EPS15L1: variants seen among roughly 807,000 people sequenced by gnomAD.
The protein encoded by EPS15L1 is epidermal growth factor receptor pathway substrate 15 like 1, also known as epidermal growth factor receptor substrate 15-like 1.
EPS15L1 carries 43 observed loss-of-function variants against 117.1 expected under a neutral mutation model. The observed-to-expected ratio is 0.37, with a 90% CI of 0.29 to 0.47. EPS15L1 has a LOEUF of 0.47. EPS15L1 is among the 20% of genes least tolerant of loss of function. The pLI is 0.99. For synonymous variants in EPS15L1, 459 were observed against 470.5 expected (o/e 0.98, Z 0.32); for missense variants, 981 against 1,164.0 (o/e 0.84, Z 2.29).
chr19:16,385,247 CT>C, intron 20 of EPS15L1, 36 bp from the exon 21 acceptor site: 1 of 1,571,024 alleles, frequency 6.4e-7, no homozygotes, highest in Non-Finnish European at 8.8e-7. Flanking sequence ...AGTTACAGGT[CT>C]TTAAGAGAAC....
intron 16 of EPS15L1, among the ~76,000 whole-genome samples, chr19:16,397,033 C>A (rs182966018): frequency 6.6e-6 from 1 of 152,078 alleles, no homozygotes; most frequent in Non-Finnish European, 1.5e-5. Flanking sequence ...CCTAACACTA[C>A]TGAACTGTAC....
Position 16,442,108 on chromosome 19 carries a change from T to C in EPS15L1, c.75+70A>G. On this transcript the variant is annotated intron_variant, in intron 2 of 23. Transcript: ENST00000455140. ...GGACAAAAGGCCGCTCAGCCGGGCT[T>C]CTATTCTGTACTGTGCTTTCAGCTC... The C allele has an allele frequency of 1.1e-5, 17 of 1,523,472 alleles. No homozygotes were observed. In the South Asian group the frequency reaches 1.9e-4, roughly 17 times the overall value. The allele number at this position is 1,523,472 out of a possible 1,614,324, so 94.4% of individuals were successfully genotyped here.
At chr19:16,457,953 C>A (rs1158256866) in intron 1 of EPS15L1, among the ~76,000 whole-genome samples, 2 of 152,062 alleles carry the variant, frequency 1.3e-5, no homozygotes, top group Non-Finnish European at 2.9e-5. Flanking sequence ...CACAAGGGCC[C>A]ACTTCCCAGA....
At chr19:16,419,356 G>A (rs1435274145) in intron 10 of EPS15L1, among the ~76,000 whole-genome samples, 3 of 152,204 alleles carry the variant, frequency 2.0e-5, no homozygotes, top group Non-Finnish European at 4.4e-5. Context: ...CTGCTCAGGA[G>A]GCTGAGGCAC....
At chr19:16,432,423 C>A (rs1048637962) in intron 7 of EPS15L1, among the ~76,000 whole-genome samples, 3 of 152,140 alleles carry the variant, frequency 2.0e-5, no homozygotes, top group African/African-American at 4.8e-5. Flanking sequence ...GAAAAATTAG[C>A]CAGGCGTGGT....
At chr19:16,439,126 A>G (rs1275232627) in intron 4 of EPS15L1, among the ~76,000 whole-genome samples, 3 of 149,638 alleles carry the variant, frequency 2.0e-5, no homozygotes, top group African/African-American at 7.4e-5. Context: ...TTTTAAAGCT[A>G]TAAATACTGT....
intron 1 of EPS15L1, among the ~76,000 whole-genome samples, chr19:16,460,940 G>C (rs1488346261): frequency 6.6e-6 from 1 of 152,196 alleles, no homozygotes; most frequent in African/African-American, 2.4e-5. Flanking sequence ...CCTTTGGAGA[G>C]TGTGAAATGA....
intron 1 of EPS15L1, among the ~76,000 whole-genome samples, chr19:16,467,818 T>G (rs931425431): frequency 6.6e-6 from 1 of 152,200 alleles, no homozygotes; most frequent in Admixed American, 6.5e-5. Flanking sequence ...ACAGCAGGGC[T>G]CTGCGGCAGG....
chr19:16,390,716 C>T (rs932945097), intron 19 of EPS15L1, among the ~76,000 whole-genome samples: 5 of 152,104 alleles, frequency 3.3e-5, no homozygotes, highest in African/African-American at 1.2e-4. Context: ...AGCCAAGTAT[C>T]TGGAAATGAA....
At chr19:16,445,277 G>A (rs2093072246) in intron 1 of EPS15L1, among the ~76,000 whole-genome samples, 2 of 152,070 alleles carry the variant, frequency 1.3e-5, no homozygotes, top group Admixed American at 6.6e-5. Context: ...CATCCGGCTC[G>A]AACACTTGAT....
chr19:16,364,692 C>G (rs2092108845), intron 22 of EPS15L1, among the ~76,000 whole-genome samples: 1 of 152,216 alleles, frequency 6.6e-6, no homozygotes, highest in Non-Finnish European at 1.5e-5. Flanking sequence ...GGGCAGGCAG[C>G]TCTGGCGGGC....
chr19:16,409,873 G>C (rs1599599150), intron 13 of EPS15L1, among the ~76,000 whole-genome samples: 1 of 148,836 alleles, frequency 6.7e-6, no homozygotes, highest in South Asian at 2.1e-4. Context: ...GGGAGGCGGA[G>C]GTTGCAGTGA....
chr19:16,396,931 G>A (rs971928244), intron 16 of EPS15L1, among the ~76,000 whole-genome samples: 3 of 152,072 alleles, frequency 2.0e-5, no homozygotes, highest in Non-Finnish European at 4.4e-5. Context: ...TAGAACAGTG[G>A]CTGCCAGGGG....
chr19:16,402,179 A>G lies in EPS15L1; in HGVS notation c.1791+142T>C. Reference sequence around the variant, plus strand: ...CTGCAAGGCCTGGTGTGAACGCGCAAAGTGGCAGCAAAAACAACAGACAGC... The same window carrying G: ...CTGCAAGGCCTGGTGTGAACGCGCAGAGTGGCAGCAAAAACAACAGACAGC... On this transcript the variant is annotated intron_variant, in intron 16 of 23. Coordinates refer to ENST00000455140, the MANE Select transcript of EPS15L1 (RefSeq NM_001258374.3). The G allele has an allele frequency of 2.1e-6, 3 of 1,455,290 alleles. No homozygotes were observed. The South Asian group carries it at 4.5e-5, about 22-fold the overall frequency. 90.1% of individuals were successfully genotyped at this position (1,455,290 alleles called of 1,614,324 possible). A position where few individuals can be genotyped will look rare whatever the true frequency, so the allele number is the denominator to read the frequency against.
chr19:16,413,269 T>C, intron 13 of EPS15L1: 1 of 649,212 alleles, frequency 1.5e-6, no homozygotes, highest in East Asian at 2.8e-5. Flanking sequence ...AACTCTGTGC[T>C]GGTGTAACTC....
intron 21 of EPS15L1, among the ~76,000 whole-genome samples, chr19:16,378,970 A>G (rs2092329651): frequency 6.6e-6 from 1 of 152,262 alleles, no homozygotes; most frequent in Non-Finnish European, 1.5e-5. Flanking sequence ...ACACTGCGAC[A>G]GGAAACAAAA....
chr19:16,407,233 T>C (rs1321452235), intron 13 of EPS15L1, among the ~76,000 whole-genome samples: 2 of 152,138 alleles, frequency 1.3e-5, no homozygotes, highest in Non-Finnish European at 2.9e-5. Context: ...GTTCTCACAG[T>C]CTCAACCCCT....
At chr19:16,396,836 G>C (rs2092545328) in intron 16 of EPS15L1, among the ~76,000 whole-genome samples, 1 of 152,162 alleles carries the variant, frequency 6.6e-6, no homozygotes, top group South Asian at 2.1e-4. Context: ...AGGCTGCTGA[G>C]TGAAATCACA....
intron 7 of EPS15L1, among the ~76,000 whole-genome samples, chr19:16,430,592 C>T (rs1339934241): frequency 6.6e-6 from 1 of 152,202 alleles, no homozygotes; most frequent in Admixed American, 6.5e-5. Flanking sequence ...TAAGTCTCAG[C>T]CTCTTAGCTA....
Sources: allele counts gnomAD v4.1 joint callset (sites outside exome capture counted in the v4.1 genomes callset), GRCh38; gene constraint gnomAD v4.1.1; transcripts MANE v1.5; gene names NCBI Gene and HGNC (gene_info 2026-07-23, HGNC 2026-07-21).